Variants in PDSS2 observed in about 807,000 individuals in gnomAD.
PDSS2 encodes all trans-polyprenyl-diphosphate synthase PDSS2.
A neutral mutation model predicts 44.5 loss-of-function variants in PDSS2; 31 were observed. The observed-to-expected ratio is 0.70, with a 90% CI of 0.52 to 0.94. The LOEUF (loss-of-function observed/expected upper bound fraction) is 0.94, where lower values mean the gene tolerates loss of function less well. Ranked by LOEUF, PDSS2 falls within the 40% of genes least tolerant of loss-of-function variation. PDSS2 has a pLI of 0.00. For synonymous variants in PDSS2, 157 were observed against 180.3 expected, an observed-to-expected ratio of 0.87 and a Z score of 1.03; for missense variants, 452 against 482.2, an observed-to-expected ratio of 0.94 and a Z score of 0.59.
chr6:107,322,620 G>A (rs1777416482), intron 2 of PDSS2, among the ~76,000 whole-genome samples: 1 of 152,132 alleles, frequency 6.6e-6, no homozygotes, highest in South Asian at 2.1e-4. Flanking sequence ...CAGGTGGGTG[G>A]CTCACTTGAG....
chr6:107,336,879 T>A, intron 1 of PDSS2, among the ~76,000 whole-genome samples: 1 of 76,928 alleles, frequency 1.3e-5, no homozygotes, highest in African/African-American at 4.5e-5. Context: ...TGTGTGTGTG[T>A]GTTCGGGGCT....
intron 1 of PDSS2, among the ~76,000 whole-genome samples, chr6:107,384,819 T>C (rs935465882): frequency 6.6e-6 from 1 of 152,114 alleles, no homozygotes; most frequent in Non-Finnish European, 1.5e-5. Flanking sequence ...CCCTGGTGCT[T>C]TCCGTCTGAC....
At chr6:107,411,522 T>C (rs1225204064) in intron 1 of PDSS2, among the ~76,000 whole-genome samples, 1 of 152,184 alleles carries the variant, frequency 6.6e-6, no homozygotes, top group African/African-American at 2.4e-5. Flanking sequence ...TCTATACAAT[T>C]GGCCCTCCAT....
chr6:107,448,498 G>A (rs1341269192), intron 1 of PDSS2, among the ~76,000 whole-genome samples: 1 of 152,158 alleles, frequency 6.6e-6, no homozygotes, highest in African/African-American at 2.4e-5. Context: ...TTCCCAACAA[G>A]TTTCTCATTT....
Position 107,459,261 on chromosome 6 carries a change from G to T in PDSS2, c.25C>A (p.His9Asn). The T allele has an allele frequency of 6.2e-7, 1 of 1,614,118 alleles. No homozygotes were observed. Among genetic ancestry groups the T allele is most frequent in the Non-Finnish European group, 8.5e-7 (1 of 1,180,032 alleles). ...GAGGCTCCAAGATAACGTGGCAAGT[G>T]CAACAGCAGCTGCCGAAAGTTCATG... MNFRQLLL[H>N]LPRYLGASGS... Residue 9 changes from histidine to asparagine, a missense_variant, in exon 1 of 8, where the codon CAC becomes AAC. His to Asn is a moderately conservative substitution (Grantham distance 68, BLOSUM62 1). Transcript: ENST00000369037. The surrounding 1 kb of genome is among the most constrained non-coding windows in gnomAD (Gnocchi z 4.3).
chr6:107,225,137 TTATATA>T lies in PDSS2; in HGVS notation c.703-12861_703-12856del, dbSNP rs1554256031. On this transcript the variant is annotated intron_variant, in intron 4 of 7. Transcript: ENST00000369037. ...AGGAAGCTTCACTATATATATATTT[TTATATA>T]TATATATATATATATATATTTTTTT... Among the ~76,000 whole-genome samples, 27 of 62,394 alleles carry T rather than the reference TTATATA, an allele frequency of 4.3e-4. 1 individual carries two copies. Among genetic ancestry groups the T allele is most frequent in the African/African-American group, 1.9e-3 (20 of 10,352 alleles). The allele number at this position is 62,394 out of a possible 152,430, so 40.9% of individuals were successfully genotyped here.
chr6:107,237,415 G>A (rs1774260654), intron 4 of PDSS2, among the ~76,000 whole-genome samples: 1 of 151,476 alleles, frequency 6.6e-6, no homozygotes, highest in Non-Finnish European at 1.5e-5. Context: ...AGCTAATTTT[G>A]TATTTTTAGT....
intron 1 of PDSS2, among the ~76,000 whole-genome samples, chr6:107,371,046 G>C (rs77845450): frequency 5.2e-4 from 79 of 152,222 alleles, no homozygotes; most frequent in African/African-American, 1.7e-3. Context: ...AGCCGGGCTT[G>C]GTGGGCACCT....
At chr6:107,348,237 A>G (rs1427161865) in intron 1 of PDSS2, among the ~76,000 whole-genome samples, 1 of 152,196 alleles carries the variant, frequency 6.6e-6, no homozygotes, top group Non-Finnish European at 1.5e-5. Context: ...CATGCACACA[A>G]CAACTCTGAA....
chr6:107,228,747 CAAAA>C (rs1474937269), intron 4 of PDSS2, among the ~76,000 whole-genome samples: 1 of 142,608 alleles, frequency 7.0e-6, no homozygotes, highest in Non-Finnish European at 1.5e-5. Context: ...AACAAACAAA[CAAAA>C]CAAATTCCTC....
chr6:107,212,136 A>T lies in PDSS2; in HGVS notation c.849T>A (p.Tyr283Ter), dbSNP rs777315112. Residue 283 changes from tyrosine to a stop codon, truncating the protein, a stop_gained, in exon 5 of 8, where the codon TAT becomes TAA. Transcript: ENST00000369037. LOFTEE classifies it high-confidence loss of function. Reference sequence around the variant, plus strand: ...TATGACTCATGGCCATGTGCTTCCCATACTGAAATGCCATATTCTGAACCT... The same window carrying T: ...TATGACTCATGGCCATGTGCTTCCCTTACTGAAATGCCATATTCTGAACCT... ...DAEVQNMAFQ[Y>*]GKHMAMSHKI... 6.2e-7 allele frequency: 1 copy of T among 1,614,152 alleles called. No homozygotes were observed. Among genetic ancestry groups the T allele is most frequent in the South Asian group, 1.1e-5 (1 of 91,086 alleles).
intron 2 of PDSS2, among the ~76,000 whole-genome samples, chr6:107,315,171 A>G (rs1444086515): frequency 6.6e-6 from 1 of 152,218 alleles, no homozygotes; most frequent in Non-Finnish European, 1.5e-5. Context: ...GCAAACCCAC[A>G]TTTATCAATA....
At chr6:107,385,459 A>G (rs1367738752) in intron 1 of PDSS2, among the ~76,000 whole-genome samples, 1 of 152,254 alleles carries the variant, frequency 6.6e-6, no homozygotes, top group East Asian at 1.9e-4. Context: ...AATTGACTAC[A>G]TACAGATTAG....
chr6:107,416,847 T>C (rs1345455469), intron 1 of PDSS2, among the ~76,000 whole-genome samples: 3 of 151,754 alleles, frequency 2.0e-5, no homozygotes, highest in Non-Finnish European at 4.4e-5. Flanking sequence ...AGACCTTTAT[T>C]AGGTAGAAAA....
At chr6:107,159,827 A>C (rs893684620) in intron 7 of PDSS2, among the ~76,000 whole-genome samples, 1 of 152,200 alleles carries the variant, frequency 6.6e-6, no homozygotes, top group Non-Finnish European at 1.5e-5. Context: ...AAATGTCTGC[A>C]TGACTAGATA....
intron 1 of PDSS2, among the ~76,000 whole-genome samples, chr6:107,352,618 T>C (rs1468340796): frequency 6.6e-6 from 1 of 152,184 alleles, no homozygotes; most frequent in East Asian, 1.9e-4. Context: ...GGAGACAGCA[T>C]GTGAACAGCA....
chr6:107,449,420 A>C (rs1346580999), intron 1 of PDSS2, among the ~76,000 whole-genome samples: 2 of 152,186 alleles, frequency 1.3e-5, no homozygotes, highest in African/African-American at 4.8e-5. Context: ...CTGAAATCCT[A>C]TAACTATTAA....
chr6:107,410,206 A>G (rs319061), intron 1 of PDSS2, among the ~76,000 whole-genome samples: 111,053 of 152,054 alleles, frequency 0.73, 40,985 homozygotes, highest in Middle Eastern at 0.8. Context: ...AGGGGAAGAG[A>G]ATTATCAGAA....
chr6:107,338,223 G>C (rs761140199), intron 1 of PDSS2, among the ~76,000 whole-genome samples: 1 of 152,096 alleles, frequency 6.6e-6, no homozygotes, highest in African/African-American at 2.4e-5. Context: ...AACTTACAGA[G>C]ACAATATGTT....
Sources: allele counts gnomAD v4.1 joint callset (sites outside exome capture counted in the v4.1 genomes callset), GRCh38; gene constraint gnomAD v4.1.1; non-coding constraint Gnocchi (gnomAD v3.1); transcripts MANE v1.5; gene names NCBI Gene and HGNC (gene_info 2026-07-23, HGNC 2026-07-21).